The following TRMT11 variants were observed in gnomAD, a reference collection of about 807,000 sequenced individuals.
TRMT11 encodes tRNA (guanine(10)-N(2))-methyltransferase TRMT11.
TRMT11 carries 53 observed loss-of-function variants against 62.8 expected under a neutral mutation model. That is an observed-to-expected ratio of 0.84 (90% CI 0.68 to 1.06). The LOEUF (loss-of-function observed/expected upper bound fraction) is 1.06, where lower values mean the gene tolerates loss of function less well. TRMT11 is among the 50% of genes least tolerant of loss of function. The probability of loss-of-function intolerance (pLI) is 0.00; values close to 1 mark genes in which losing one functional copy is unlikely to be tolerated. For missense variants in TRMT11, 556 were observed against 553.4 expected, an observed-to-expected ratio of 1.00 and a Z score of -0.05; for synonymous variants, 188 against 190.3, an observed-to-expected ratio of 0.99 and a Z score of 0.10.
chr6:126,160,412 T>C (rs1164996567), intron 21 of TRMT11, among the ~76,000 whole-genome samples: 3 of 152,006 alleles, frequency 2.0e-5, no homozygotes, highest in African/African-American at 7.2e-5. Flanking sequence ...TCAAAAAATA[T>C]ATTTACGTGA....
the TRMT11 span, among the ~76,000 whole-genome samples, chr6:126,270,850 CT>C: frequency 6.6e-6 from 1 of 152,082 alleles, no homozygotes; most frequent in Non-Finnish European, 1.5e-5. Flanking sequence ...GTTTTTCAAC[CT>C]TTCTACCCTT....
intron 17 of TRMT11, among the ~76,000 whole-genome samples, chr6:126,067,798 C>G: frequency 6.6e-6 from 1 of 152,180 alleles, no homozygotes; most frequent in East Asian, 1.9e-4. Flanking sequence ...AATTTACACT[C>G]CCATCAGGAG....
At position 125,998,335 on chromosome 6, in the gene TRMT11, C is replaced by CA. The variant is rs1355813769; in HGVS notation, c.387+26dup. 3 of 1,502,978 alleles carry CA rather than the reference C, an allele frequency of 2.0e-6. No homozygotes were observed. Among genetic ancestry groups the CA allele is most frequent in the African/African-American group, 2.8e-5 (2 of 71,546 alleles). 93.1% of individuals were successfully genotyped at this position (1,502,978 alleles called of 1,614,324 possible). A position where few individuals can be genotyped will look rare whatever the true frequency, so the allele number is the denominator to read the frequency against. On this transcript the variant is annotated intron_variant, in intron 5 of 12. Transcript: ENST00000334379. The stretch of plus-strand genomic sequence containing the variant: ...ATAGATGTAAGTAAATTTAGCAAAA[C>CA]AAAAAACCTACATGATGAATGCAGT...
At chr6:126,115,544 A>G (rs1777577419) in intron 20 of TRMT11, among the ~76,000 whole-genome samples, 1 of 152,122 alleles carries the variant, frequency 6.6e-6, no homozygotes, top group Admixed American at 6.6e-5. Context: ...AGTCCTTAGT[A>G]TCCCTGCCCA....
At chr6:126,018,453 C>T (rs574617672) in intron 11 of TRMT11, among the ~76,000 whole-genome samples, 22 of 151,676 alleles carry the variant, frequency 1.5e-4, no homozygotes, top group African/African-American at 5.1e-4. Flanking sequence ...ATCTAGGGGC[C>T]TATGTACACA....
At chr6:126,072,660 A>G (rs372709727) in intron 17 of TRMT11, among the ~76,000 whole-genome samples, 5 of 152,184 alleles carry the variant, frequency 3.3e-5, no homozygotes, top group Non-Finnish European at 7.3e-5. Flanking sequence ...AAATAACACA[A>G]ATTTATTTCT....
chr6:126,248,261 A>G, the TRMT11 span, among the ~76,000 whole-genome samples: 1 of 152,160 alleles, frequency 6.6e-6, no homozygotes, highest in East Asian at 1.9e-4. Context: ...AATGAGATCA[A>G]TGAAACAGAG....
At chr6:126,146,257 T>G (rs1379011011) in intron 21 of TRMT11, among the ~76,000 whole-genome samples, 1 of 152,224 alleles carries the variant, frequency 6.6e-6, no homozygotes, top group East Asian at 1.9e-4. Flanking sequence ...ATCCAGTATT[T>G]GGAAATTTCC....
chr6:126,264,738 T>G, the TRMT11 span, among the ~76,000 whole-genome samples: 136 of 152,308 alleles, frequency 8.9e-4, no homozygotes, highest in Non-Finnish European at 1.5e-3. Flanking sequence ...GGACTTTCTC[T>G]GCAACACTGG....
the TRMT11 span, among the ~76,000 whole-genome samples, chr6:126,227,856 G>A: frequency 2.6e-5 from 4 of 152,292 alleles, no homozygotes; most frequent in East Asian, 5.8e-4. Context: ...TTCCTGTTAA[G>A]TGATCCTGGG....
At chr6:126,179,691 G>T (rs1287502116) in intron 1 of TRMT11, among the ~76,000 whole-genome samples, 1 of 152,140 alleles carries the variant, frequency 6.6e-6, no homozygotes, top group African/African-American at 2.4e-5. Context: ...TACATGTCAG[G>T]TTTCACATAT....
chr6:126,014,556 ATATT>A (rs1794710497), intron 11 of TRMT11, among the ~76,000 whole-genome samples: 1 of 152,140 alleles, frequency 6.6e-6, no homozygotes, highest in Non-Finnish European at 1.5e-5. Context: ...GCCAATTCCT[ATATT>A]TATTATACAT....
At chr6:126,193,548 G>T (rs1466686538) in intron 1 of TRMT11, among the ~76,000 whole-genome samples, 1 of 136,224 alleles carries the variant, frequency 7.3e-6, no homozygotes, top group African/African-American at 2.9e-5. Context: ...CCAGGCTGGA[G>T]TGCAGGCAAT....
chr6:126,007,410 G>A (rs890532243), intron 7 of TRMT11, among the ~76,000 whole-genome samples: 14 of 151,886 alleles, frequency 9.2e-5, no homozygotes, highest in Admixed American at 2.0e-4. Flanking sequence ...CCTTGTCCAA[G>A]TCTGTGCATA....
At chr6:126,244,259 T>C in the TRMT11 span, among the ~76,000 whole-genome samples, 10 of 152,140 alleles carry the variant, frequency 6.6e-5, no homozygotes, top group Non-Finnish European at 1.3e-4. Context: ...TATTTTTTTA[T>C]AATATAAGCT....
At chr6:126,083,138 G>T (rs1777177141) in intron 17 of TRMT11, among the ~76,000 whole-genome samples, 1 of 152,138 alleles carries the variant, frequency 6.6e-6, no homozygotes, top group African/African-American at 2.4e-5. Flanking sequence ...ATGATTGTTT[G>T]CTGGAAGCTT....
intron 12 of TRMT11, among the ~76,000 whole-genome samples, chr6:126,025,787 A>G (rs913927500): frequency 2.6e-5 from 4 of 152,200 alleles, no homozygotes; most frequent in African/African-American, 9.6e-5. Flanking sequence ...ACACTTTTGT[A>G]TACTGTGTCT....
upstream of TRMT11, among the ~76,000 whole-genome samples, chr6:126,172,874 A>T (rs1289367119): frequency 6.6e-6 from 1 of 152,220 alleles, no homozygotes; most frequent in Admixed American, 6.5e-5. Flanking sequence ...TGAGGTGAGG[A>T]TACTGGGAAG....
At chr6:126,249,638 C>CAAAAA in the TRMT11 span, among the ~76,000 whole-genome samples, 1 of 151,964 alleles carries the variant, frequency 6.6e-6, no homozygotes, top group African/African-American at 2.4e-5. Flanking sequence ...GATGAGCAAA[C>CAAAAA]AAAAACACTT....
Sources: allele counts gnomAD v4.1 joint callset (sites outside exome capture counted in the v4.1 genomes callset), GRCh38; gene constraint gnomAD v4.1.1; transcripts MANE v1.5; gene names NCBI Gene and HGNC (gene_info 2026-07-23, HGNC 2026-07-21).